The following METTL15 variants were observed in gnomAD, a reference collection of about 807,000 sequenced individuals.
METTL15 encodes methyltransferase 15, mitochondrial 12S rRNA N4-cytidine.
Under a neutral mutation model 38.3 loss-of-function variants are expected in METTL15, and 34 were observed. That is an observed-to-expected ratio of 0.89 (90% CI 0.68 to 1.18). METTL15 has a LOEUF of 1.18. Ranked by LOEUF, METTL15 falls within the 50% of genes most tolerant of loss-of-function variation. The probability of loss-of-function intolerance (pLI) is 0.00; values close to 1 mark genes in which losing one functional copy is unlikely to be tolerated. For synonymous variants in METTL15, 162 were observed against 170.9 expected (o/e 0.95, Z 0.41); for missense variants, 438 against 498.4 (o/e 0.88, Z 1.15).
intron 5 of METTL15, among the ~76,000 whole-genome samples, chr11:28,415,241 T>C (rs531080587): frequency 2.6e-5 from 4 of 152,154 alleles, no homozygotes; most frequent in Non-Finnish European, 4.4e-5. Flanking sequence ...AATTGGCGAA[T>C]GGAAACATCT....
At chr11:28,321,823 A>G (rs1025200197) in intron 6 of METTL15, among the ~76,000 whole-genome samples, 2 of 151,874 alleles carry the variant, frequency 1.3e-5, no homozygotes, top group African/African-American at 4.8e-5. Flanking sequence ...TTTAATAATA[A>G]TTAAAATAAT....
chr11:28,146,692 T>C (rs1256968111), intron 3 of METTL15, among the ~76,000 whole-genome samples: 2 of 151,936 alleles, frequency 1.3e-5, no homozygotes, highest in Non-Finnish European at 2.9e-5. Context: ...TATGAGAAAG[T>C]GTGTTATGCC....
intron 6 of METTL15, among the ~76,000 whole-genome samples, chr11:28,514,731 G>A (rs1851705388): frequency 6.6e-6 from 1 of 152,094 alleles, no homozygotes; most frequent in Non-Finnish European, 1.5e-5. Flanking sequence ...ACCAAACTTT[G>A]GACACATGTT....
chr11:28,450,430 A>G (rs1213743249), intron 6 of METTL15, among the ~76,000 whole-genome samples: 3 of 152,242 alleles, frequency 2.0e-5, no homozygotes, highest in African/African-American at 7.2e-5. Flanking sequence ...TCTGTAAAAT[A>G]TGATAATACT....
chr11:28,458,794 T>A (rs1013884780), intron 6 of METTL15, among the ~76,000 whole-genome samples: 6 of 152,208 alleles, frequency 3.9e-5, no homozygotes, highest in African/African-American at 1.2e-4. Flanking sequence ...TAAATATATT[T>A]CTCTTTTTCT....
intron 6 of METTL15, among the ~76,000 whole-genome samples, chr11:28,429,967 G>A (rs1444159441): frequency 4.6e-5 from 6 of 129,072 alleles, no homozygotes; most frequent in African/African-American, 1.8e-4. Flanking sequence ...TCTCTGCCCG[G>A]CCGCCCATCG....
chr11:28,343,183 T>C (rs1849967750), intron 3 of METTL15, among the ~76,000 whole-genome samples: 1 of 151,024 alleles, frequency 6.6e-6, no homozygotes, highest in African/African-American at 2.4e-5. Flanking sequence ...ATATATAATA[T>C]TTTTTCATGG....
intron 6 of METTL15, among the ~76,000 whole-genome samples, chr11:28,438,372 G>A (rs1191639297): frequency 6.6e-6 from 1 of 152,210 alleles, no homozygotes; most frequent in Non-Finnish European, 1.5e-5. Flanking sequence ...CAGAAACGGC[G>A]AGTGCCTGTG....
chr11:28,195,071 A>T (rs556237855), intron 3 of METTL15, among the ~76,000 whole-genome samples: 1 of 152,186 alleles, frequency 6.6e-6, no homozygotes, highest in Non-Finnish European at 1.5e-5. Context: ...CATGGTATAT[A>T]TACCACATTT....
At chr11:28,395,296 G>A (rs1178991553) in intron 5 of METTL15, among the ~76,000 whole-genome samples, 2 of 151,986 alleles carry the variant, frequency 1.3e-5, no homozygotes, top group Non-Finnish European at 1.5e-5. Context: ...CACCTCCTTG[G>A]AGTCAGGCAC....
chr11:28,286,868 T>G (rs763209251), intron 4 of METTL15, among the ~76,000 whole-genome samples: 36 of 151,838 alleles, frequency 2.4e-4, no homozygotes, highest in Middle Eastern at 3.4e-3. Flanking sequence ...ACAGAACCAG[T>G]AGTATGTACA....
At chr11:28,310,955 GGTGGTGGTGGGTGT>G (rs1857268702) in intron 6 of METTL15, among the ~76,000 whole-genome samples, 1 of 137,290 alleles carries the variant, frequency 7.3e-6, no homozygotes, top group African/African-American at 2.9e-5. Flanking sequence ...TGGTGGTGGT[GGTGGTGGTGGGTGT>G]GTGTGTGTGT....
chr11:28,498,967 G>A (rs1200355273), intron 6 of METTL15, among the ~76,000 whole-genome samples: 1 of 152,298 alleles, frequency 6.6e-6, no homozygotes, highest in East Asian at 1.9e-4. Context: ...AGGGTCTAGA[G>A]CTTGACTGCT....
In METTL15 at chr11:28,388,697, A is replaced by G. The variant is rs182584143; in HGVS notation, c.*358+26661A>G. ...AATGACACTTTTCTTTTTTTTTATTATACTTTAACTTTTAGGGGACATATG... is the reference window on the plus strand; with the variant it reads ...AATGACACTTTTCTTTTTTTTTATTGTACTTTAACTTTTAGGGGACATATG... On this transcript the variant is annotated intron_variant and NMD_transcript_variant, in intron 5 of 7. Transcript: ENST00000532947. Among the ~76,000 whole-genome samples, 23 of 152,076 alleles carry G rather than the reference A, an allele frequency of 1.5e-4. No individual in the cohort carries two copies. In the East Asian group the frequency reaches 4.3e-3, roughly 28 times the overall value.
intron 6 of METTL15, among the ~76,000 whole-genome samples, chr11:28,308,379 T>G (rs1288870147): frequency 6.6e-6 from 1 of 152,166 alleles, no homozygotes; most frequent in East Asian, 1.9e-4. Flanking sequence ...ACACTTAGTT[T>G]CTTGTATTTC....
At chr11:28,356,364 G>C (rs1215906904) in intron 4 of METTL15, among the ~76,000 whole-genome samples, 1 of 152,164 alleles carries the variant, frequency 6.6e-6, no homozygotes, top group African/African-American at 2.4e-5. Context: ...GCATGCAGTA[G>C]ACACTCAATA....
chr11:28,286,820 T>TA, intron 4 of METTL15, among the ~76,000 whole-genome samples: 1 of 152,006 alleles, frequency 6.6e-6, no homozygotes, highest in Admixed American at 6.6e-5. Flanking sequence ...TATCAAATAG[T>TA]ACCTGAGATA....
At chr11:28,138,479 G>T (rs1362579970) in intron 3 of METTL15, among the ~76,000 whole-genome samples, 1 of 152,122 alleles carries the variant, frequency 6.6e-6, no homozygotes, top group Non-Finnish European at 1.5e-5. Context: ...AAACCAACAA[G>T]CCTCAATCAA....
intron 3 of METTL15, among the ~76,000 whole-genome samples, chr11:28,176,102 A>G (rs1851065620): frequency 6.6e-6 from 1 of 152,016 alleles, no homozygotes; most frequent in Non-Finnish European, 1.5e-5. Flanking sequence ...CAGTGGTGGA[A>G]GGAAATCATA....
Sources: gnomAD v4.1 joint callset for allele counts (sites outside exome capture counted in the v4.1 genomes callset) on GRCh38, gnomAD v4.1.1 for gene constraint, MANE v1.5 for transcripts, NCBI Gene and HGNC (gene_info 2026-07-23, HGNC 2026-07-21) for gene names.